Variants in NMNAT2 observed in about 807,000 individuals in gnomAD.
NMNAT2 encodes the protein nicotinamide nucleotide adenylyltransferase 2.
A neutral mutation model predicts 41.6 loss-of-function variants in NMNAT2; 11 were observed. That is an observed-to-expected ratio of 0.26 (90% CI 0.17 to 0.44). The LOEUF is 0.44. NMNAT2 is among the 20% of genes least tolerant of loss of function. The pLI is 1.00. For synonymous variants in NMNAT2, 148 were observed against 151.2 expected, an observed-to-expected ratio of 0.98 and a Z score of 0.16; for missense variants, 288 against 407.7, an observed-to-expected ratio of 0.71 and a Z score of 2.53.
intron 1 of NMNAT2, chr1:183,304,676 G>T (rs1318569425): frequency 6.2e-7 from 1 of 1,613,996 alleles, no homozygotes; most frequent in East Asian, 2.2e-5. Flanking sequence ...TCACCTGAGA[G>T]AGTAACAAAC....
intron 1 of NMNAT2, among the ~76,000 whole-genome samples, chr1:183,318,682 C>T (rs1479269030): frequency 2.0e-5 from 3 of 152,096 alleles, no homozygotes; most frequent in African/African-American, 4.8e-5. Flanking sequence ...AGCCAGAGGC[C>T]ACGGGCTCCA....
chr1:183,335,393 T>A (rs516210), intron 1 of NMNAT2, among the ~76,000 whole-genome samples: 25 of 152,166 alleles, frequency 1.6e-4, no homozygotes, highest in Middle Eastern at 6.8e-3. Flanking sequence ...AGCCCTTCAC[T>A]CATTAGTGTA....
At chr1:183,300,818 T>C (rs1245099668) in intron 1 of NMNAT2, among the ~76,000 whole-genome samples, 1 of 152,230 alleles carries the variant, frequency 6.6e-6, no homozygotes, top group Non-Finnish European at 1.5e-5. Flanking sequence ...TGTTCATACC[T>C]TTCCAGCTTT....
intron 1 of NMNAT2, among the ~76,000 whole-genome samples, chr1:183,413,142 A>G (rs898061189): frequency 6.6e-6 from 1 of 152,206 alleles, no homozygotes; most frequent in Non-Finnish European, 1.5e-5. Context: ...TGGCTTCATG[A>G]TTAGGATGAT....
intron 1 of NMNAT2, among the ~76,000 whole-genome samples, chr1:183,297,459 C>A (rs1000455192): frequency 2.0e-5 from 3 of 150,836 alleles, no homozygotes; most frequent in African/African-American, 7.3e-5. Context: ...CTCGGCTCAG[C>A]GCAACCTCTG....
At chr1:183,317,226 T>C (rs2102328014) in intron 1 of NMNAT2, among the ~76,000 whole-genome samples, 1 of 152,222 alleles carries the variant, frequency 6.6e-6, no homozygotes, top group East Asian at 1.9e-4. Flanking sequence ...CTCAGTTTCA[T>C]CCCCCCGTAT....
intron 1 of NMNAT2, among the ~76,000 whole-genome samples, chr1:183,404,334 C>T (rs1648896347): frequency 6.6e-6 from 1 of 152,178 alleles, no homozygotes; most frequent in African/African-American, 2.4e-5. Flanking sequence ...AGGTGATCCA[C>T]CTGCGTTGGC....
Position 183,260,990 on chromosome 1 carries a change from T to C in NMNAT2, c.821+12A>G, listed in dbSNP as rs181857756. 422 of 1,606,212 alleles carry C rather than the reference T, an allele frequency of 2.6e-4. No individual in the cohort carries two copies. In the African/African-American group the frequency reaches 3.4e-3, roughly 13 times the overall value. On this transcript the variant is annotated intron_variant, in intron 10 of 10. Coordinates refer to ENST00000287713, the MANE Select transcript of NMNAT2 (RefSeq NM_015039.4). ...TTTGACTAAAGTCTCTCTGGCCATTTGTCAAACATACCTGCTCTTGGTTGA... is the reference window on the plus strand; with the variant it reads ...TTTGACTAAAGTCTCTCTGGCCATTCGTCAAACATACCTGCTCTTGGTTGA...
At chr1:183,345,711 G>T (rs1217274775) in intron 1 of NMNAT2, among the ~76,000 whole-genome samples, 1 of 148,136 alleles carries the variant, frequency 6.8e-6, no homozygotes, top group Non-Finnish European at 1.5e-5. Context: ...TTTTGAGACG[G>T]AGTCTCACAC....
rs202243883 is a variant in NMNAT2, at chr1:183,278,562, G to A, written c.642C>T (p.Asn214=). 119 of 1,611,216 alleles carry A rather than the reference G, an allele frequency of 7.4e-5. No individual in the cohort carries two copies. The highest frequency in any genetic ancestry group is 9.1e-5 in the Non-Finnish European group (107 of 1,177,566). The change falls in exon 8 of 11, where the codon AAC becomes AAT. Residue 214 remains asparagine, a synonymous_variant. Coordinates refer to ENST00000287713, the MANE Select transcript of NMNAT2 (RefSeq NM_015039.4). ...TAACCTTGCTACTCACATCTGCCTC[G>A]TTCCAGAGCCCTGGGATGCAGAAGG... is the stretch of plus-strand genomic sequence containing the variant. ...LESFCIPGLW[N]EADMEVIVGD...
chr1:183,362,454 G>A (rs560456502), intron 1 of NMNAT2, among the ~76,000 whole-genome samples: 1 of 152,276 alleles, frequency 6.6e-6, no homozygotes, highest in South Asian at 2.1e-4. Flanking sequence ...GTCCCTGACG[G>A]CCACTACTCT....
rs571760426 is a variant in NMNAT2 at position 183,302,509 on chromosome 1, T to C, written c.86-8716A>G. Among the ~76,000 whole-genome samples, 6 of 152,276 alleles carry C rather than the reference T, an allele frequency of 3.9e-5. No individual in the cohort carries two copies. In the East Asian group the frequency reaches 1.2e-3, roughly 29 times the overall value. On this transcript the variant is annotated intron_variant, in intron 1 of 10. Transcript: ENST00000287713. ...TTGACATCTGGGGACTTGCTGACCC[T>C]TGAAGGGAGGAATTATCCCTCTAGC...
In NMNAT2 at chr1:183,334,508, C is replaced by T. The variant is rs148193885; in HGVS notation, c.86-40715G>A. On this transcript the variant is annotated intron_variant, in intron 1 of 10. Transcript: ENST00000287713. ...GAAGCAGGTGAGTTAGGTACAAGGC[C>T]ACCCATTCTTTTTTTTTTTCTTTTG... Among the ~76,000 whole-genome samples, 264 of 152,088 alleles carry T rather than the reference C, an allele frequency of 1.7e-3. 1 individual carries two copies. The highest frequency in any genetic ancestry group is 6.0e-3 in the African/African-American group (249 of 41,510).
intron 1 of NMNAT2, among the ~76,000 whole-genome samples, chr1:183,337,988 T>C (rs1163322184): frequency 6.6e-6 from 1 of 152,092 alleles, no homozygotes; most frequent in Non-Finnish European, 1.5e-5. Flanking sequence ...GTTCTCTTAT[T>C]ATTGATTTCA....
chr1:183,387,325 A>G (rs761764327), intron 1 of NMNAT2, among the ~76,000 whole-genome samples: 6 of 151,516 alleles, frequency 4.0e-5, no homozygotes, highest in Non-Finnish European at 8.8e-5. Context: ...CAATCCCTGT[A>G]GAGCACCTAA....
At chr1:183,341,587 C>T (rs1488281659) in intron 1 of NMNAT2, among the ~76,000 whole-genome samples, 2 of 145,650 alleles carry the variant, frequency 1.4e-5, no homozygotes, top group Admixed American at 6.9e-5. Flanking sequence ...TCCAGCTACC[C>T]GGGAAGCTGA....
In NMNAT2 at chr1:183,334,217, A is replaced by T. The variant is rs548208; in HGVS notation, c.86-40424T>A. On this transcript the variant is annotated intron_variant, in intron 1 of 10. Coordinates refer to ENST00000287713, the MANE Select transcript of NMNAT2 (RefSeq NM_015039.4). ...GAGTAGCTGGGATTACAGGAGCACAACACCATGCCCGACTAACTGCTGTAT... is the reference window on the plus strand; with the variant it reads ...GAGTAGCTGGGATTACAGGAGCACATCACCATGCCCGACTAACTGCTGTAT... Among the ~76,000 whole-genome samples, 592 of 152,046 alleles carry T rather than the reference A, an allele frequency of 3.9e-3. 2 individuals carry two copies. The highest frequency in any genetic ancestry group is 0.038 in the Middle Eastern group (11 of 292).
intron 1 of NMNAT2, among the ~76,000 whole-genome samples, chr1:183,342,981 T>C (rs950753858): frequency 6.6e-6 from 1 of 151,912 alleles, no homozygotes; most frequent in African/African-American, 2.4e-5. Flanking sequence ...CAAACAATCC[T>C]CCCACCTCAA....
At chr1:183,363,119 C>T (rs1365275507) in intron 1 of NMNAT2, among the ~76,000 whole-genome samples, 1 of 152,158 alleles carries the variant, frequency 6.6e-6, no homozygotes, top group Non-Finnish European at 1.5e-5. Context: ...GTTCAAACCC[C>T]TAGCTCAGTT....
Sources: allele counts gnomAD v4.1 joint callset (sites outside exome capture counted in the v4.1 genomes callset), GRCh38; gene constraint gnomAD v4.1.1; transcripts MANE v1.5; gene names NCBI Gene and HGNC (gene_info 2026-07-23, HGNC 2026-07-21).